The following PRLR variants were observed in gnomAD, a reference collection of about 807,000 sequenced individuals.
PRLR encodes the protein hPRL receptor.
A neutral mutation model predicts 40.2 loss-of-function variants in PRLR; 13 were observed. That is an observed-to-expected ratio of 0.32 (90% CI 0.21 to 0.51). The LOEUF (loss-of-function observed/expected upper bound fraction) is 0.51. Ranked by LOEUF, PRLR falls within the 20% of genes least tolerant of loss-of-function variation. PRLR has a pLI of 0.97. For missense variants in PRLR, 656 were observed against 747.3 expected (o/e 0.88, Z 1.42); for synonymous variants, 269 against 278.7 (o/e 0.97, Z 0.35).
chr5:35,104,024 G>T (rs113909192), intron 2 of PRLR, among the ~76,000 whole-genome samples: 3 of 152,242 alleles, frequency 2.0e-5, no homozygotes, highest in African/African-American at 4.8e-5. Context: ...GGTCAGTATG[G>T]GGAGAGCAGT....
At chr5:35,198,627 G>T (rs1362297088) in intron 1 of PRLR, among the ~76,000 whole-genome samples, 1 of 152,176 alleles carries the variant, frequency 6.6e-6, no homozygotes, top group Non-Finnish European at 1.5e-5. Context: ...TGTAGTTTGT[G>T]GTTAAGTAGG....
chr5:35,130,673 T>G (rs1773640616), intron 1 of PRLR, among the ~76,000 whole-genome samples: 1 of 152,188 alleles, frequency 6.6e-6, no homozygotes, highest in African/African-American at 2.4e-5. Context: ...TTTGTTTGGA[T>G]GGTGTTATGG....
chr5:35,158,286 G>A (rs941590999), intron 1 of PRLR, among the ~76,000 whole-genome samples: 6 of 152,118 alleles, frequency 3.9e-5, no homozygotes, highest in African/African-American at 1.4e-4. Context: ...GAGCAGGAGA[G>A]GGTCTTTTTG....
intron 6 of PRLR, among the ~76,000 whole-genome samples, chr5:35,071,942 C>T (rs1769772938): frequency 6.6e-6 from 1 of 150,686 alleles, no homozygotes; most frequent in African/African-American, 2.5e-5. Context: ...GTTGCCCAGG[C>T]TGGAGTGCAA....
intron 1 of PRLR, among the ~76,000 whole-genome samples, chr5:35,128,991 A>G (rs1444456017): frequency 1.3e-5 from 2 of 152,190 alleles, no homozygotes; most frequent in Non-Finnish European, 2.9e-5. Flanking sequence ...AGTGTTCAAA[A>G]TCAGAGCTGA....
At chr5:35,122,946 A>G (rs184628013) in intron 1 of PRLR, among the ~76,000 whole-genome samples, 1 of 152,318 alleles carries the variant, frequency 6.6e-6, no homozygotes, top group Admixed American at 6.5e-5. Flanking sequence ...GGTAAAGTCA[A>G]GTCAACTGTC....
Position 35,056,362 on chromosome 5 carries a change from T to C in PRLR, c.*8727A>G, listed in dbSNP as rs539811922. 2.3e-4 allele frequency: 35 copies of C among 152,316 alleles called. No individual in the cohort carries two copies. Among genetic ancestry groups the C allele is most frequent in the African/African-American group, 8.2e-4 (34 of 41,570 alleles). The allele number at this position is 152,316 out of a possible 1,614,324, so 9.4% of individuals were successfully genotyped here. A position where few individuals can be genotyped will look rare whatever the true frequency, so the allele number is the denominator to read the frequency against. On this transcript the variant is annotated 3_prime_UTR_variant, in exon 10 of 10. Coordinates refer to ENST00000618457, the MANE Select transcript of PRLR (RefSeq NM_000949.7). ...AAGCCAGCAGGAATTACTCTGCATA[T>C]TCTGGCCAGGAAGGTCCCTGGTGGG... is the stretch of plus-strand genomic sequence containing the variant.
chr5:35,160,329 G>T (rs1340917353), intron 1 of PRLR, among the ~76,000 whole-genome samples: 5 of 152,330 alleles, frequency 3.3e-5, no homozygotes, highest in Middle Eastern at 3.4e-3. Flanking sequence ...CAGTTGGGTA[G>T]TGGGTGAAAA....
chr5:35,062,067 A>G lies in PRLR; in HGVS notation c.*3022T>C, dbSNP rs1769069573. 1 of 152,228 alleles carries G rather than the reference A, an allele frequency of 6.6e-6. No individual in the cohort carries two copies. The highest frequency in any genetic ancestry group is 2.4e-5 in the African/African-American group (1 of 41,458). 9.4% of individuals were successfully genotyped at this position (152,228 alleles called of 1,614,324 possible). A position where few individuals can be genotyped will look rare whatever the true frequency, so the allele number is the denominator to read the frequency against. On this transcript the variant is annotated 3_prime_UTR_variant, in exon 10 of 10. Transcript: ENST00000618457. The stretch of plus-strand genomic sequence containing the variant: ...ATATGATTCTGTACACATTTCACTT[A>G]TAAAATACTTGTGCAATATATTAAG...
intron 9 of PRLR, 39 bp downstream of exon 9, chr5:35,068,177 C>T: frequency 6.6e-7 from 1 of 1,509,738 alleles, no homozygotes; most frequent in Non-Finnish European, 9.2e-7. Flanking sequence ...TACTACAGAG[C>T]AGTGAGTCAC....
In PRLR at chr5:35,049,363, G is replaced by A. The variant is rs1322815177; in HGVS notation, c.1055C>T (p.Ser352Phe). The stretch of plus-strand genomic sequence containing the variant: ...ACTTGAGATTTTTCTTGGTCTGTAA[G>A]ATTTGAGATTTTTGTAATGAGAGGC... Residue 352 changes from serine to phenylalanine, a missense_variant, in exon 9 of 9, where the codon TCT becomes TTT. Transcript: ENST00000231423. The A allele has an allele frequency of 4.3e-6, 3 of 702,944 alleles. No individual in the cohort carries two copies. The African/African-American group carries it at 5.2e-5, about 12-fold the overall frequency. 43.5% of individuals were successfully genotyped at this position (702,944 alleles called of 1,614,324 possible).
chr5:35,111,665 C>T (rs191889633), intron 2 of PRLR, among the ~76,000 whole-genome samples: 155 of 152,154 alleles, frequency 1.0e-3, no homozygotes, highest in Admixed American at 2.0e-3. Flanking sequence ...TTACCTAGAT[C>T]GTGTTACAGT....
At chr5:35,131,467 T>G (rs909793014) in intron 1 of PRLR, among the ~76,000 whole-genome samples, 4 of 152,098 alleles carry the variant, frequency 2.6e-5, no homozygotes, top group African/African-American at 9.7e-5. Context: ...AGTGGGCTGG[T>G]AAGAAGAACC....
intron 5 of PRLR, among the ~76,000 whole-genome samples, 173 bp downstream of exon 5, chr5:35,084,297 T>A (rs1317709584): frequency 6.6e-6 from 1 of 152,216 alleles, no homozygotes; most frequent in African/African-American, 2.4e-5. Flanking sequence ...CTTAGTGTCA[T>A]GAATGACTTG....
chr5:35,191,836 G>T (rs548498623), intron 1 of PRLR, among the ~76,000 whole-genome samples: 3 of 152,186 alleles, frequency 2.0e-5, no homozygotes, highest in Non-Finnish European at 2.9e-5. Context: ...GCACCCTTAC[G>T]ATTTCAGCTA....
At chr5:35,184,086 C>T (rs1325048376) in intron 1 of PRLR, among the ~76,000 whole-genome samples, 1 of 152,084 alleles carries the variant, frequency 6.6e-6, no homozygotes, top group African/African-American at 2.4e-5. Context: ...TTTTAGATTC[C>T]TGGGATGATA....
At chr5:35,081,551 T>C (rs962921249) in intron 5 of PRLR, 3 of 155,672 alleles carry the variant, frequency 1.9e-5, no homozygotes, top group African/African-American at 7.2e-5. Context: ...TCTTTTATGA[T>C]TTTGAAAAAT....
At chr5:35,066,188 G>T (rs904106163) in intron 9 of PRLR, 86 bp from the exon 10 acceptor site, 2 of 1,298,366 alleles carry the variant, frequency 1.5e-6, no homozygotes, top group Non-Finnish European at 1.1e-6. Context: ...GCTGTTCATT[G>T]CCACAAGCAG....
chr5:35,227,012 A>T (rs1351429213), intron 1 of PRLR, among the ~76,000 whole-genome samples: 1 of 152,264 alleles, frequency 6.6e-6, no homozygotes, highest in African/African-American at 2.4e-5. Context: ...GAGAATGAAC[A>T]TTCCAGAGCT....
Sources: gnomAD v4.1 joint callset for allele counts (sites outside exome capture counted in the v4.1 genomes callset) on GRCh38, gnomAD v4.1.1 for gene constraint, MANE v1.5 for transcripts, NCBI Gene and HGNC (gene_info 2026-07-23, HGNC 2026-07-21) for gene names.